E2F5: variants seen among roughly 807,000 people sequenced by gnomAD.
E2F5 encodes the protein transcription factor E2F5.
A neutral mutation model predicts 39.1 loss-of-function variants in E2F5; 23 were observed. The ratio of observed to expected loss-of-function variants is 0.59; its 90% CI spans 0.42 to 0.83. The LOEUF (loss-of-function observed/expected upper bound fraction) is 0.83. E2F5 is among the 40% of genes least tolerant of loss of function. E2F5 has a pLI of 0.00. For synonymous variants in E2F5, 145 were observed against 157.8 expected (o/e 0.92, Z 0.61); for missense variants, 365 against 406.7 (o/e 0.90, Z 0.88).
At chr8:85,187,604 C>T (rs1812370313) in intron 1 of E2F5, 1 of 152,006 alleles carries the variant, frequency 6.6e-6, no homozygotes, top group African/African-American at 2.4e-5. Context: ...TATGTATAGC[C>T]ACTTCTGCTT....
At chr8:85,201,620 C>T (rs1276254457) in intron 1 of E2F5, among the ~76,000 whole-genome samples, 1 of 152,192 alleles carries the variant, frequency 6.6e-6, no homozygotes, top group Non-Finnish European at 1.5e-5. Context: ...TGGCATGATT[C>T]ATTCCTCTGT....
intron 1 of E2F5, among the ~76,000 whole-genome samples, chr8:85,185,447 G>C (rs1812310138): frequency 6.6e-6 from 1 of 152,176 alleles, no homozygotes; most frequent in Non-Finnish European, 1.5e-5. Flanking sequence ...CAGGACAAAA[G>C]CATGGGCAAA....
Position 85,213,818 on chromosome 8 carries a change from G to A in E2F5, c.997G>A (p.Glu333Lys), listed in dbSNP as rs1257168239. ...CTACAACTTTAATTTAGATGATAAC[G>A]AAGGAGTTTGTGATCTGTTTGATGT... The part of the protein sequence containing the change: ...DDYNFNLDDN[E>K]GVCDLFDVQI... Residue 333 changes from glutamate (E) to lysine (K), a missense_variant, in exon 8 of 8, where the codon GAA becomes AAA. Glu to Lys is a moderately conservative substitution (Grantham distance 56). Coordinates refer to ENST00000416274, the MANE Select transcript of E2F5 (RefSeq NM_001951.4). 3.1e-6 allele frequency: 5 copies of A among 1,613,164 alleles called. No individual in the cohort carries two copies. Among genetic ancestry groups the A allele is most frequent in the East Asian group, 2.2e-5 (1 of 44,790 alleles).
intron 1 of E2F5, among the ~76,000 whole-genome samples, chr8:85,185,360 A>C (rs1312966594): frequency 3.3e-5 from 5 of 152,178 alleles, no homozygotes; most frequent in Admixed American, 3.3e-4. Context: ...ACAAAAATCA[A>C]CTCAAGATGG....
At chr8:85,200,534 C>T (rs1173912249) in intron 1 of E2F5, among the ~76,000 whole-genome samples, 2 of 152,212 alleles carry the variant, frequency 1.3e-5, no homozygotes, top group African/African-American at 4.8e-5. Context: ...TTCATACAAA[C>T]ATGTTCTGAT....
In E2F5 at chr8:85,202,211, GA is replaced by G; in HGVS notation, c.301del (p.Ile101LeufsTer3). On this transcript the variant is annotated frameshift_variant, in exon 2 of 8. Transcript: ENST00000416274. LOFTEE classifies it high-confidence loss of function. ...RIYDITNVLEGIDLIEKKSKN... is the reference protein window; with the variant it reads ...RIYDITNVLEXIDLIEKKSKN... ...TATGATATCACCAATGTCTTAGAGGGAATTGACTTGATTGAAAAAAAGTCAA... is the reference window on the plus strand; with the variant it reads ...TATGATATCACCAATGTCTTAGAGGGATTGACTTGATTGAAAAAAAGTCAA... 1 of 1,612,224 alleles carries G rather than the reference GA, an allele frequency of 6.2e-7. No homozygotes were observed. The highest frequency in any genetic ancestry group is 8.5e-7 in the Non-Finnish European group (1 of 1,179,288).
Position 85,214,427 on chromosome 8 carries a change from G to A in E2F5, c.*565G>A, listed in dbSNP as rs1813046688. On this transcript the variant is annotated 3_prime_UTR_variant, in exon 8 of 8. Coordinates refer to ENST00000416274, the MANE Select transcript of E2F5 (RefSeq NM_001951.4). Reference sequence around the variant, plus strand: ...TGACATTCCACTTTCCTAGGTTATAGGAAAGATCTGTTTATGTAGTTTGTT... The same window carrying A: ...TGACATTCCACTTTCCTAGGTTATAAGAAAGATCTGTTTATGTAGTTTGTT... 2.9e-6 allele frequency: 2 copies of A among 684,618 alleles called. No homozygotes were observed. Among genetic ancestry groups the A allele is most frequent in the Non-Finnish European group, 5.2e-6 (2 of 386,056 alleles). 42.4% of individuals were successfully genotyped at this position (684,618 alleles called of 1,614,324 possible). A position where few individuals can be genotyped will look rare whatever the true frequency, so the allele number is the denominator to read the frequency against.
At chr8:85,196,495 C>T (rs1434458430) in intron 1 of E2F5, among the ~76,000 whole-genome samples, 1 of 152,148 alleles carries the variant, frequency 6.6e-6, no homozygotes, top group African/African-American at 2.4e-5. Context: ...CCATTTTATA[C>T]ACTTGATATG....
At chr8:85,208,276 C>T (rs183738251) in intron 5 of E2F5, among the ~76,000 whole-genome samples, 43 of 152,178 alleles carry the variant, frequency 2.8e-4, no homozygotes, top group African/African-American at 8.9e-4. Context: ...TGCAGTGAGC[C>T]GAAATCGCGC....
intron 1 of E2F5, among the ~76,000 whole-genome samples, chr8:85,187,115 C>T (rs374904073): frequency 5.9e-5 from 9 of 151,830 alleles, no homozygotes; most frequent in East Asian, 1.9e-4. Flanking sequence ...TTTTAAATTT[C>T]CATGTATTTG....
At chr8:85,185,512 T>A (rs1354557613) in intron 1 of E2F5, among the ~76,000 whole-genome samples, 1 of 152,210 alleles carries the variant, frequency 6.6e-6, no homozygotes, top group African/African-American at 2.4e-5. Flanking sequence ...AATTGACCAA[T>A]AGAATCTAAT....
intron 1 of E2F5, among the ~76,000 whole-genome samples, chr8:85,199,666 G>A (rs1442600023): frequency 1.3e-5 from 2 of 152,122 alleles, no homozygotes; most frequent in Non-Finnish European, 2.9e-5. Flanking sequence ...AGGTAAATCT[G>A]TATACACACA....
intron 1 of E2F5, among the ~76,000 whole-genome samples, chr8:85,180,181 C>A (rs1011596640): frequency 6.6e-6 from 1 of 151,608 alleles, no homozygotes; most frequent in African/African-American, 2.4e-5. Context: ...CCACCATGCC[C>A]GACTCATTTT....
chr8:85,213,542 TAAAAAAAA>T, intron 7 of E2F5: 2 of 119,602 alleles, frequency 1.7e-5, no homozygotes, highest in African/African-American at 1.0e-4. Flanking sequence ...GACTCCATCT[TAAAAAAAA>T]AAAAAAAAAA....
chr8:85,210,147 G>A (rs1221716446), intron 6 of E2F5, among the ~76,000 whole-genome samples: 6 of 152,282 alleles, frequency 3.9e-5, no homozygotes, highest in South Asian at 4.1e-4. Flanking sequence ...TGAATGAATG[G>A]TGCCAATATA....
intron 1 of E2F5, among the ~76,000 whole-genome samples, chr8:85,200,750 G>A (rs1442518327): frequency 1.3e-5 from 2 of 152,174 alleles, no homozygotes; most frequent in Non-Finnish European, 2.9e-5. Context: ...GAAGTCAAGA[G>A]TAAAAATTCT....
rs1587476647 is a variant in E2F5 at position 85,177,811 on chromosome 8, C to A, written c.234+157C>A. On this transcript the variant is annotated intron_variant, in intron 1 of 7. Transcript: ENST00000416274. Reference sequence around the variant, plus strand: ...AGGACCATGTGGCCTGCGCCCGGGTCGTGGACGCCGGGATGGGGGAGGGAC... The same window carrying A: ...AGGACCATGTGGCCTGCGCCCGGGTAGTGGACGCCGGGATGGGGGAGGGAC... 17 of 1,133,360 alleles carry A rather than the reference C, an allele frequency of 1.5e-5. 1 individual carries two copies. The South Asian group carries it at 3.6e-4, about 24-fold the overall frequency. The allele number at this position is 1,133,360 out of a possible 1,614,324, so 70.2% of individuals were successfully genotyped here.
intron 7 of E2F5, 102 bp downstream of exon 7, chr8:85,212,306 G>A (rs886159401): frequency 3.6e-6 from 3 of 827,932 alleles, no homozygotes; most frequent in African/African-American, 3.4e-5. Flanking sequence ...TTTGCTACCT[G>A]CTTTACTATG....
intron 1 of E2F5, among the ~76,000 whole-genome samples, chr8:85,190,497 C>CTTTTTTTTT (rs34804570): frequency 5.7e-5 from 4 of 70,338 alleles, no homozygotes; most frequent in African/African-American, 1.2e-4. Context: ...GAGATTTTTC[C>CTTTTTTTTT]TTTTTTTTTT....
Sources: gnomAD v4.1 joint callset for allele counts (sites outside exome capture counted in the v4.1 genomes callset) on GRCh38, gnomAD v4.1.1 for gene constraint, MANE v1.5 for transcripts, NCBI Gene and HGNC (gene_info 2026-07-23, HGNC 2026-07-21) for gene names.